Variants in NBEA observed in about 807,000 individuals in gnomAD.
NBEA encodes lysosomal-trafficking regulator 2.
NBEA carries 44 observed loss-of-function variants against 343.4 expected under a neutral mutation model. The ratio of observed to expected loss-of-function variants is 0.13; its 90% CI spans 0.10 to 0.16. The LOEUF (loss-of-function observed/expected upper bound fraction) is 0.16. Ranked by LOEUF, NBEA falls within the 10% of genes least tolerant of loss-of-function variation. The probability of loss-of-function intolerance (pLI) is 1.00; values close to 1 mark genes in which losing one functional copy is unlikely to be tolerated. For synonymous variants in NBEA, 1,175 were observed against 1,238.7 expected, an observed-to-expected ratio of 0.95 and a Z score of 1.08; for missense variants, 2,555 against 3,631.3, an observed-to-expected ratio of 0.70 and a Z score of 7.62.
intron 38 of NBEA, among the ~76,000 whole-genome samples, chr13:35,403,534 G>A (rs2043099436): frequency 6.6e-6 from 1 of 151,980 alleles, no homozygotes; most frequent in Admixed American, 6.6e-5. Context: ...AATGGTGCTG[G>A]GAAAACTGGC....
intron 1 of NBEA, among the ~76,000 whole-genome samples, chr13:35,000,830 A>C (rs2061108507): frequency 6.6e-6 from 1 of 152,100 alleles, no homozygotes; most frequent in South Asian, 2.1e-4. Context: ...AGATATACCA[A>C]AAATATCAAT....
intron 45 of NBEA, among the ~76,000 whole-genome samples, chr13:35,581,763 C>T (rs1159539088): frequency 1.4e-5 from 2 of 146,886 alleles, no homozygotes; most frequent in East Asian, 2.1e-4. Flanking sequence ...GGGATAGCAT[C>T]GGGAGATATA....
At chr13:35,199,794 A>T (rs2072886733) in intron 31 of NBEA, among the ~76,000 whole-genome samples, 1 of 152,170 alleles carries the variant, frequency 6.6e-6, no homozygotes, top group African/African-American at 2.4e-5. Flanking sequence ...CTTAATTAAA[A>T]TAAACCTTTT....
chr13:35,242,177 A>C (rs993664891), intron 34 of NBEA, among the ~76,000 whole-genome samples: 16 of 151,932 alleles, frequency 1.1e-4, no homozygotes, highest in Non-Finnish European at 1.8e-4. Flanking sequence ...AAACAAAATT[A>C]GGAAAAGGTT....
chr13:35,037,411 T>C (rs1350967650), intron 1 of NBEA, among the ~76,000 whole-genome samples: 1 of 152,192 alleles, frequency 6.6e-6, no homozygotes, highest in African/African-American at 2.4e-5. Context: ...GTGCCTTATT[T>C]AGTTCATTTG....
At chr13:35,271,049 G>C (rs1395206770) in intron 34 of NBEA, among the ~76,000 whole-genome samples, 1 of 152,242 alleles carries the variant, frequency 6.6e-6, no homozygotes, top group African/African-American at 2.4e-5. Context: ...GCCTCCTCAA[G>C]TGGGTCCCTG....
intron 34 of NBEA, among the ~76,000 whole-genome samples, chr13:35,246,833 TGGGCA>T (rs1016859450): frequency 2.1e-4 from 32 of 152,082 alleles, no homozygotes; most frequent in African/African-American, 7.7e-4. Context: ...ATAGGGAGGA[TGGGCA>T]GGGCCCTAGA....
At chr13:35,272,468 T>C (rs536099236) in intron 34 of NBEA, among the ~76,000 whole-genome samples, 1 of 152,258 alleles carries the variant, frequency 6.6e-6, no homozygotes, top group East Asian at 1.9e-4. Flanking sequence ...AGTAACCAGC[T>C]AGGATCATAA....
At chr13:35,601,771 A>AG (rs1455975839) in intron 47 of NBEA, among the ~76,000 whole-genome samples, 1 of 32,946 alleles carries the variant, frequency 3.0e-5, no homozygotes, top group Non-Finnish European at 1.2e-4. Context: ...CAAAAAAAAA[A>AG]AAAAAAAAAA....
At chr13:35,454,862 CAAAATAAATAA>C (rs1738734347) in intron 40 of NBEA, among the ~76,000 whole-genome samples, 2 of 150,716 alleles carry the variant, frequency 1.3e-5, no homozygotes, top group South Asian at 4.2e-4. Context: ...TCCGTCTCAA[CAAAATAAATAA>C]AAAATAAATA....
At chr13:35,413,522 G>A (rs1008765769) in intron 38 of NBEA, among the ~76,000 whole-genome samples, 4 of 152,016 alleles carry the variant, frequency 2.6e-5, no homozygotes, top group Non-Finnish European at 5.9e-5. Context: ...ATTCCTGAGG[G>A]GCCAGGAGGC....
At chr13:35,147,197 G>A (rs987120468) in intron 18 of NBEA, among the ~76,000 whole-genome samples, 1 of 152,202 alleles carries the variant, frequency 6.6e-6, no homozygotes, top group Non-Finnish European at 1.5e-5. Context: ...CACAGATGTG[G>A]CCCTCATACC....
chr13:35,406,711 T>C (rs1157429985), intron 38 of NBEA, among the ~76,000 whole-genome samples: 1 of 152,162 alleles, frequency 6.6e-6, no homozygotes, highest in African/African-American at 2.4e-5. Flanking sequence ...GGGGTGGCTC[T>C]TCCTCTTTAG....
At chr13:35,584,780 G>A (rs1014205098) in intron 46 of NBEA, among the ~76,000 whole-genome samples, 3 of 151,996 alleles carry the variant, frequency 2.0e-5, no homozygotes, top group African/African-American at 7.2e-5. Flanking sequence ...GATTACAGGC[G>A]TGAGCCACCA....
chr13:35,589,104 A>T (rs1482426043), intron 46 of NBEA, among the ~76,000 whole-genome samples: 1 of 152,162 alleles, frequency 6.6e-6, no homozygotes, highest in Non-Finnish European at 1.5e-5. Context: ...GACAATGCAT[A>T]TTTACTCAGA....
Position 35,173,526 on chromosome 13 carries a change from A to G in NBEA, c.4486A>G (p.Lys1496Glu). 6.2e-7 allele frequency: 1 copy of G among 1,611,506 alleles called. No homozygotes were observed. ...GCAAAGACAGAGAGACAGGGGAAAT[A>G]AATCTTCCCATGGAAGCAGTAAACC... The part of the protein sequence containing the change: ...CRQRQRDRGN[K>E]SSHGSSKPQE... Residue 1496 changes from lysine (K) to glutamate (E), a missense_variant, in exon 27 of 59, where the codon AAA (lysine) becomes GAA (glutamate). Around this residue, in one of 21 missense-constraint regions of NBEA, gnomAD observed 168 missense variants for 193.0 expected, o/e 0.87. Transcript: ENST00000379939.
intron 34 of NBEA, among the ~76,000 whole-genome samples, chr13:35,265,706 A>G (rs1279152546): frequency 6.6e-6 from 1 of 151,880 alleles, no homozygotes. Flanking sequence ...ACAAAAATCA[A>G]CTGAAAATGA....
chr13:35,534,120 G>A (rs745731501), intron 41 of NBEA, among the ~76,000 whole-genome samples: 1 of 152,124 alleles, frequency 6.6e-6, no homozygotes, highest in Non-Finnish European at 1.5e-5. Flanking sequence ...AGTGATTGCC[G>A]TATCTAAAGT....
At chr13:34,973,192 G>C (rs1299304064) in intron 1 of NBEA, among the ~76,000 whole-genome samples, 1 of 151,218 alleles carries the variant, frequency 6.6e-6, no homozygotes, top group Non-Finnish European at 1.5e-5. Context: ...TCCCAGGGAG[G>C]TACAGACTTG....
Sources: allele counts gnomAD v4.1 joint callset (sites outside exome capture counted in the v4.1 genomes callset), GRCh38; gene constraint gnomAD v4.1.1; regional missense constraint gnomAD v4.1.1; transcripts MANE v1.5; gene names NCBI Gene and HGNC (gene_info 2026-07-23, HGNC 2026-07-21).